The following ALCAM variants were observed in gnomAD, a reference collection of about 807,000 sequenced individuals.
ALCAM encodes the protein activated leukocyte cell adhesion molecule.
ALCAM carries 30 observed loss-of-function variants against 70.9 expected under a neutral mutation model. That is an observed-to-expected ratio of 0.42 (90% CI 0.32 to 0.57). ALCAM has a LOEUF of 0.57. Ranked by LOEUF, ALCAM falls within the 20% of genes least tolerant of loss-of-function variation. The pLI, the probability that ALCAM is intolerant of heterozygous loss-of-function variation, is 0.11. For missense variants in ALCAM, 591 were observed against 695.1 expected, an observed-to-expected ratio of 0.85 and a Z score of 1.68; for synonymous variants, 249 against 242.5, an observed-to-expected ratio of 1.03 and a Z score of -0.25.
intron 1 of ALCAM, among the ~76,000 whole-genome samples, chr3:105,405,399 A>G (rs975206070): frequency 1.3e-5 from 2 of 151,902 alleles, no homozygotes; most frequent in South Asian, 4.1e-4. Flanking sequence ...TCTCAAATTT[A>G]TAAAACAATT....
intron 1 of ALCAM, among the ~76,000 whole-genome samples, chr3:105,514,112 A>T (rs1404389079): frequency 6.6e-6 from 1 of 151,926 alleles, no homozygotes; most frequent in East Asian, 1.9e-4. Context: ...CTTTCTATAC[A>T]GTCCCACAGC....
At chr3:105,416,464 A>G (rs927100769) in intron 1 of ALCAM, among the ~76,000 whole-genome samples, 2 of 152,062 alleles carry the variant, frequency 1.3e-5, no homozygotes, top group Non-Finnish European at 2.9e-5. Flanking sequence ...AGAAAATTAT[A>G]TATAAAATCA....
intron 1 of ALCAM, among the ~76,000 whole-genome samples, chr3:105,445,754 G>T (rs1170653634): frequency 1.3e-5 from 2 of 152,172 alleles, no homozygotes; most frequent in Non-Finnish European, 2.9e-5. Flanking sequence ...AATAATTGGT[G>T]CTGGGAAAAC....
intron 14 of ALCAM, among the ~76,000 whole-genome samples, chr3:105,561,058 C>A (rs963770783): frequency 1.3e-5 from 2 of 152,066 alleles, no homozygotes; most frequent in Non-Finnish European, 2.9e-5. Flanking sequence ...TGGCTCTTTT[C>A]AATTTTTTTC....
intron 1 of ALCAM, among the ~76,000 whole-genome samples, chr3:105,415,355 GA>G (rs1936482839): frequency 6.6e-6 from 1 of 152,116 alleles, no homozygotes; most frequent in Admixed American, 6.6e-5. Context: ...GCTGTCTTTG[GA>G]AGCCCAGCAA....
Position 105,368,651 on chromosome 3 carries a change from A to G in ALCAM, c.73+1170A>G, listed in dbSNP as rs111996188. 4.0e-3 allele frequency among the ~76,000 whole-genome samples: 602 copies of G among 152,210 alleles called. 5 individuals are homozygous for G. Among genetic ancestry groups the G allele is most frequent in the African/African-American group, 0.014 (571 of 41,524 alleles). On this transcript the variant is annotated intron_variant, in intron 1 of 15. Coordinates refer to ENST00000306107, the MANE Select transcript of ALCAM (RefSeq NM_001627.4). Reference sequence around the variant, plus strand: ...AAGCTCAGGTCACAGAAGAGGTTTGAAAGCCTCTGAATCTCTCCCAGGAAC... The same window carrying G: ...AAGCTCAGGTCACAGAAGAGGTTTGGAAGCCTCTGAATCTCTCCCAGGAAC...
chr3:105,368,223 A>AAGAGAGAGAGAGAGAGAGTGAGAG (rs1935123477), intron 1 of ALCAM, among the ~76,000 whole-genome samples: 1 of 67,790 alleles, frequency 1.5e-5, no homozygotes, highest in Non-Finnish European at 2.8e-5. Context: ...TGAGTCTTGG[A>AAGAGAGAGAGAGAGAGAGTGAGAG]AGAGAGAGAG....
chr3:105,416,249 G>A (rs572842250), intron 1 of ALCAM, among the ~76,000 whole-genome samples: 429 of 152,038 alleles, frequency 2.8e-3, no homozygotes, highest in Non-Finnish European at 4.6e-3. Context: ...ATACCCTTAA[G>A]GGAAGACTTT....
At chr3:105,540,138 T>C in intron 7 of ALCAM, 36 bp downstream of exon 7, 1 of 1,591,174 alleles carries the variant, frequency 6.3e-7, no homozygotes, top group Non-Finnish European at 8.6e-7. Flanking sequence ...TGGATGACTA[T>C]CATTTTTCCT....
intron 9 of ALCAM, among the ~76,000 whole-genome samples, chr3:105,546,022 TG>T (rs1940237192): frequency 6.6e-6 from 1 of 151,482 alleles, no homozygotes; most frequent in South Asian, 2.1e-4. Flanking sequence ...TTGTCTGAAA[TG>T]TAGGCCATTG....
At chr3:105,465,918 A>G (rs1210806997) in intron 1 of ALCAM, among the ~76,000 whole-genome samples, 3 of 151,386 alleles carry the variant, frequency 2.0e-5, no homozygotes, top group African/African-American at 7.3e-5. Flanking sequence ...ATACAGCAAG[A>G]AAAAGACAGT....
intron 1 of ALCAM, among the ~76,000 whole-genome samples, chr3:105,421,261 A>G (rs1386503729): frequency 6.6e-6 from 1 of 151,444 alleles, no homozygotes; most frequent in Non-Finnish European, 1.5e-5. Flanking sequence ...GATTGAATTA[A>G]ATATAAGAGG....
At chr3:105,452,277 T>TTCCC (rs1214120778) in intron 1 of ALCAM, among the ~76,000 whole-genome samples, 22 of 152,222 alleles carry the variant, frequency 1.4e-4, no homozygotes, top group Non-Finnish European at 2.8e-4. Flanking sequence ...GTCCATGTGT[T>TTCCC]CTCATTGTTC....
At chr3:105,503,464 T>G (rs955649971) in intron 1 of ALCAM, among the ~76,000 whole-genome samples, 4 of 152,168 alleles carry the variant, frequency 2.6e-5, no homozygotes, top group African/African-American at 7.2e-5. Flanking sequence ...GTCTCCTGTC[T>G]CCTTTTCACT....
In ALCAM at chr3:105,393,359, A is replaced by G. The variant is rs550413920; in HGVS notation, c.73+25878A>G. 4.6e-5 allele frequency among the ~76,000 whole-genome samples: 7 copies of G among 152,006 alleles called. No homozygotes were observed. The South Asian group carries it at 1.2e-3, about 27-fold the overall frequency. On this transcript the variant is annotated intron_variant, in intron 1 of 15. Transcript: ENST00000306107. ...GTTAACAGAAGTGCAAATATTCTTCAGTAGAAATAAATTTATACATGTTAT... is the reference window on the plus strand; with the variant it reads ...GTTAACAGAAGTGCAAATATTCTTCGGTAGAAATAAATTTATACATGTTAT...
chr3:105,545,128 A>T, intron 8 of ALCAM, 95 bp from the exon 9 acceptor site: 1 of 833,946 alleles, frequency 1.2e-6, no homozygotes, highest in Non-Finnish European at 2.1e-6. Flanking sequence ...ATGCAGTTAG[A>T]AGAAATTTAT....
At chr3:105,461,964 A>C (rs1163321277) in intron 1 of ALCAM, among the ~76,000 whole-genome samples, 1 of 151,676 alleles carries the variant, frequency 6.6e-6, no homozygotes, top group Admixed American at 6.6e-5. Context: ...GATACACTTT[A>C]ATTATTCTAG....
chr3:105,562,230 C>T (rs959655505), intron 14 of ALCAM, among the ~76,000 whole-genome samples: 2 of 152,194 alleles, frequency 1.3e-5, no homozygotes, highest in Non-Finnish European at 2.9e-5. Flanking sequence ...TAGATGTTGC[C>T]TCCCAGAAAC....
chr3:105,493,406 C>T (rs1463660576), intron 1 of ALCAM, among the ~76,000 whole-genome samples: 1 of 151,986 alleles, frequency 6.6e-6, no homozygotes, highest in Admixed American at 6.6e-5. Context: ...GATTCTGTTC[C>T]CCAGAACCTG....
Sources: allele counts gnomAD v4.1 joint callset (sites outside exome capture counted in the v4.1 genomes callset), GRCh38; gene constraint gnomAD v4.1.1; transcripts MANE v1.5; gene names NCBI Gene and HGNC (gene_info 2026-07-23, HGNC 2026-07-21).